Variants in FRAS1 observed in about 807,000 individuals in gnomAD.
FRAS1 encodes Fraser extracellular matrix complex subunit 1, also known as extracellular matrix organizing protein FRAS1.
In FRAS1, 290 loss-of-function variants were observed where a neutral mutation model predicts 435.2. The observed-to-expected ratio is 0.67, with a 90% CI of 0.61 to 0.73. The LOEUF (loss-of-function observed/expected upper bound fraction) is 0.73, where lower values mean the gene tolerates loss of function less well. FRAS1 is among the 30% of genes least tolerant of loss of function. The pLI is 0.00. For synonymous variants in FRAS1, 1,800 were observed against 1,851.0 expected (o/e 0.97, Z 0.71); for missense variants, 4,860 against 5,001.5 (o/e 0.97, Z 0.85).
At chr4:78,262,538 A>C (rs1294640986) in intron 6 of FRAS1, among the ~76,000 whole-genome samples, 2 of 152,136 alleles carry the variant, frequency 1.3e-5, no homozygotes, top group South Asian at 4.1e-4. Context: ...AGAATGTCTT[A>C]GGGTCAGTGG....
intron 14 of FRAS1, among the ~76,000 whole-genome samples, chr4:78,307,220 G>A (rs1360865493): frequency 6.6e-5 from 10 of 152,258 alleles, no homozygotes; most frequent in Non-Finnish European, 1.3e-4. Context: ...CAGTCTGCCA[G>A]TTTTCAGATC....
intron 2 of FRAS1, among the ~76,000 whole-genome samples, chr4:78,078,735 A>G (rs1473038431): frequency 6.6e-6 from 1 of 152,152 alleles, no homozygotes; most frequent in Non-Finnish European, 1.5e-5. Flanking sequence ...GTTAGGAATT[A>G]AAGTGGCTGA....
At chr4:78,468,439 C>T in intron 50 of FRAS1, among the ~76,000 whole-genome samples, 1 of 152,050 alleles carries the variant, frequency 6.6e-6, no homozygotes, top group East Asian at 1.9e-4. Flanking sequence ...AAGCACTAAG[C>T]CCAGTGCCTG....
intron 2 of FRAS1, among the ~76,000 whole-genome samples, chr4:78,150,067 A>G (rs1720580425): frequency 6.6e-6 from 1 of 152,216 alleles, no homozygotes; most frequent in South Asian, 2.1e-4. Context: ...AGAATTTTCA[A>G]GGTCAATAAT....
At chr4:78,245,413 T>G in intron 4 of FRAS1, 88 bp downstream of exon 4, 1 of 931,238 alleles carries the variant, frequency 1.1e-6, no homozygotes, top group Middle Eastern at 2.2e-4. Flanking sequence ...TTGATGAGAG[T>G]TTTTTTCTTT....
chr4:78,428,577 C>T (rs1734085767), intron 35 of FRAS1, among the ~76,000 whole-genome samples: 1 of 152,172 alleles, frequency 6.6e-6, no homozygotes, highest in South Asian at 2.1e-4. Context: ...CCTGCCTCGG[C>T]CTCCCAGAGT....
chr4:78,191,610 A>G lies in FRAS1; in HGVS notation c.109-45900A>G, dbSNP rs551678289. Reference sequence around the variant, plus strand: ...CAACGTGCAGGTTTGTTACACATGTATACATGTGCCATGTTGGTGTGCTGC... The same window carrying G: ...CAACGTGCAGGTTTGTTACACATGTGTACATGTGCCATGTTGGTGTGCTGC... On this transcript the variant is annotated intron_variant, in intron 2 of 73. Transcript: ENST00000512123. Among the ~76,000 whole-genome samples, 4 of 150,650 alleles carry G rather than the reference A, an allele frequency of 2.7e-5. No individual in the cohort carries two copies. The East Asian group carries it at 7.9e-4, about 30-fold the overall frequency.
At chr4:78,058,435 T>C (rs1263189959) in intron 1 of FRAS1, among the ~76,000 whole-genome samples, 3 of 152,010 alleles carry the variant, frequency 2.0e-5, no homozygotes, top group African/African-American at 4.8e-5. Context: ...GGAGCACAGG[T>C]GAGGAGCGAA....
intron 27 of FRAS1, among the ~76,000 whole-genome samples, chr4:78,383,751 T>C (rs897103521): frequency 6.6e-6 from 1 of 152,216 alleles, no homozygotes; most frequent in African/African-American, 2.4e-5. Context: ...AATATATTAC[T>C]AATCTGCCTT....
At chr4:78,520,929 GT>G (rs1019145364) in intron 67 of FRAS1, among the ~76,000 whole-genome samples, 2 of 152,122 alleles carry the variant, frequency 1.3e-5, no homozygotes, top group African/African-American at 4.8e-5. Flanking sequence ...TCTTGTTTTT[GT>G]TTTGTTTTGT....
chr4:78,361,395 A>G (rs1426374613), intron 20 of FRAS1, among the ~76,000 whole-genome samples: 1 of 152,224 alleles, frequency 6.6e-6, no homozygotes, highest in African/African-American at 2.4e-5. Flanking sequence ...GATATCATGA[A>G]TTGTTCCTAA....
intron 2 of FRAS1, among the ~76,000 whole-genome samples, chr4:78,193,271 C>T (rs556415690): frequency 5.3e-5 from 8 of 152,208 alleles, no homozygotes; most frequent in South Asian, 4.2e-4. Flanking sequence ...GAGAGTTCTG[C>T]AGATGTCTAT....
intron 61 of FRAS1, among the ~76,000 whole-genome samples, chr4:78,500,591 C>T (rs1045493484): frequency 2.6e-5 from 4 of 152,182 alleles, no homozygotes; most frequent in Admixed American, 1.3e-4. Context: ...CCATTTGCGA[C>T]GTAGCCAGAG....
At chr4:78,156,832 C>T (rs543582026) in intron 2 of FRAS1, among the ~76,000 whole-genome samples, 21 of 152,288 alleles carry the variant, frequency 1.4e-4, no homozygotes, top group Middle Eastern at 3.4e-3. Context: ...TCTCCTACTA[C>T]GTCAGTTCCA....
intron 2 of FRAS1, among the ~76,000 whole-genome samples, chr4:78,132,997 C>T (rs1445440218): frequency 6.6e-6 from 1 of 152,194 alleles, no homozygotes; most frequent in Non-Finnish European, 1.5e-5. Flanking sequence ...CAAACTTGAA[C>T]CCAGGAGGCG....
At chr4:78,226,536 T>C (rs1235367856) in intron 2 of FRAS1, among the ~76,000 whole-genome samples, 1 of 151,982 alleles carries the variant, frequency 6.6e-6, no homozygotes, top group Non-Finnish European at 1.5e-5. Context: ...TTTTTTTTAA[T>C]GTGTGGAGAA....
At chr4:78,237,429 T>C (rs1196354790) in intron 2 of FRAS1, 81 bp from the exon 3 acceptor site, 4 of 913,614 alleles carry the variant, frequency 4.4e-6, no homozygotes, top group Non-Finnish European at 5.4e-6. Flanking sequence ...GTCCAGGATG[T>C]GGGACTATTG....
Position 78,492,151 on chromosome 4 carries a change from G to A in FRAS1, c.8958+3071G>A, listed in dbSNP as rs184580828. ...ACCACTGCTCAAGGAAATAAGAGAG[G>A]ACACAAATGGAAAAATATTCCATGC... On this transcript the variant is annotated intron_variant, in intron 59 of 73. Coordinates refer to ENST00000512123, the MANE Select transcript of FRAS1 (RefSeq NM_025074.7). 2.0e-5 allele frequency among the ~76,000 whole-genome samples: 3 copies of A among 151,286 alleles called. No homozygotes were observed. In the East Asian group the frequency reaches 5.8e-4, roughly 29 times the overall value.
intron 60 of FRAS1, among the ~76,000 whole-genome samples, chr4:78,499,315 A>T (rs72659033): frequency 0.062 from 9,445 of 152,290 alleles, 383 homozygotes; most frequent in Non-Finnish European, 0.094. Context: ...TTCATATCTC[A>T]TGAATGAAAA....
Sources: allele counts gnomAD v4.1 joint callset (sites outside exome capture counted in the v4.1 genomes callset), GRCh38; gene constraint gnomAD v4.1.1; transcripts MANE v1.5; gene names NCBI Gene and HGNC (gene_info 2026-07-23, HGNC 2026-07-21).